DZIP1: variants seen among roughly 807,000 people sequenced by gnomAD.
DZIP1 encodes the protein cilium assembly protein DZIP1.
Under a neutral mutation model 107.6 loss-of-function variants are expected in DZIP1, and 97 were observed. The observed-to-expected ratio is 0.90, with a 90% CI of 0.77 to 1.07. The LOEUF (loss-of-function observed/expected upper bound fraction) is 1.07. DZIP1 is among the 50% of genes least tolerant of loss of function. The probability of loss-of-function intolerance (pLI) is 0.00; values close to 1 mark genes in which losing one functional copy is unlikely to be tolerated. For synonymous variants in DZIP1, 390 were observed against 386.4 expected (o/e 1.01, Z -0.11); for missense variants, 1,035 against 1,063.6 (o/e 0.97, Z 0.37).
rs564296670 is a variant in DZIP1 at position 95,634,533 on chromosome 13, A to G, written c.598-1212T>C. Among the ~76,000 whole-genome samples the G allele has an allele frequency of 2.0e-5, 3 of 152,284 alleles. No homozygotes were observed. The East Asian group carries it at 5.8e-4, about 29-fold the overall frequency. Reference sequence around the variant, plus strand: ...TTGGAAGTATAACCTATTAAAATAAATTTTCTGAGAAAAAAGAAGTCAATT... The same window carrying G: ...TTGGAAGTATAACCTATTAAAATAAGTTTTCTGAGAAAAAAGAAGTCAATT... On this transcript the variant is annotated intron_variant, in intron 5 of 22. Coordinates refer to ENST00000376829, the MANE Select transcript of DZIP1 (RefSeq NM_198968.4).
intron 13 of DZIP1, among the ~76,000 whole-genome samples, chr13:95,606,651 C>CAT (rs2044788430): frequency 1.3e-5 from 2 of 152,278 alleles, no homozygotes; most frequent in Non-Finnish European, 2.9e-5. Context: ...AGGTGATGGA[C>CAT]ATATAAGTTG....
chr13:95,599,357 T>G lies in DZIP1; in HGVS notation c.1537+8A>C. 6.2e-7 allele frequency: 1 copy of G among 1,612,758 alleles called. No individual in the cohort carries two copies. Among genetic ancestry groups the G allele is most frequent in the Non-Finnish European group, 8.5e-7 (1 of 1,178,850 alleles). Reference sequence around the variant, plus strand: ...TGTGCAGGTAAACCTGATCAAGCCCTTTGTTACCTTTTTCTTCCTCTGAAA... The same window carrying G: ...TGTGCAGGTAAACCTGATCAAGCCCGTTGTTACCTTTTTCTTCCTCTGAAA... On this transcript the variant is annotated splice_region_variant and intron_variant, in intron 15 of 22. Coordinates refer to ENST00000376829, the MANE Select transcript of DZIP1 (RefSeq NM_198968.4).
chr13:95,605,820 A>G (rs1396273502), intron 14 of DZIP1, among the ~76,000 whole-genome samples, 183 bp downstream of exon 14: 2 of 152,202 alleles, frequency 1.3e-5, no homozygotes. Flanking sequence ...AGACTTTGGG[A>G]GGTATGTCCA....
intron 15 of DZIP1, among the ~76,000 whole-genome samples, chr13:95,598,082 C>T (rs1272787577): frequency 6.6e-6 from 1 of 152,080 alleles, no homozygotes; most frequent in Non-Finnish European, 1.5e-5. Flanking sequence ...ATCAGAGTAC[C>T]CCAAAATTTC....
At chr13:95,601,346 C>T (rs1472356022) in intron 14 of DZIP1, among the ~76,000 whole-genome samples, 1 of 152,152 alleles carries the variant, frequency 6.6e-6, no homozygotes, top group Non-Finnish European at 1.5e-5. Context: ...TCAAACGTCC[C>T]AGATCCTGTC....
At chr13:95,614,981 A>C (rs1243022032) in intron 10 of DZIP1, among the ~76,000 whole-genome samples, 2 of 152,326 alleles carry the variant, frequency 1.3e-5, no homozygotes, top group Admixed American at 6.5e-5. Flanking sequence ...TCTCAGGCAG[A>C]GATTACTAAA....
chr13:95,583,977 A>G (rs145574655), intron 22 of DZIP1, among the ~76,000 whole-genome samples: 65 of 151,984 alleles, frequency 4.3e-4, no homozygotes, highest in African/African-American at 1.5e-3. Context: ...TAAAAAAATA[A>G]TAATAATAAA....
At chr13:95,585,026 A>C (rs752893847) in intron 21 of DZIP1, 116 bp from the exon 22 acceptor site, 6 of 700,736 alleles carry the variant, frequency 8.6e-6, no homozygotes, top group Non-Finnish European at 1.3e-5. Context: ...GAAGTGGGGA[A>C]CTATTAATAC....
intron 15 of DZIP1, among the ~76,000 whole-genome samples, chr13:95,597,914 G>A (rs931933119): frequency 3.9e-5 from 6 of 152,148 alleles, no homozygotes; most frequent in South Asian, 2.1e-4. Context: ...CTGTGGAATC[G>A]ATTCAGCCTG....
intron 14 of DZIP1, among the ~76,000 whole-genome samples, chr13:95,602,338 C>T (rs138971555): frequency 2.6e-4 from 39 of 152,298 alleles, no homozygotes; most frequent in Admixed American, 3.3e-4. Context: ...ATGTCAGCTA[C>T]GCCAGGAAGT....
At chr13:95,640,389 T>A (rs1180224627) in intron 5 of DZIP1, among the ~76,000 whole-genome samples, 1 of 152,142 alleles carries the variant, frequency 6.6e-6, no homozygotes, top group African/African-American at 2.4e-5. Flanking sequence ...TGCACCCAGT[T>A]CTCTCCAGCA....
chr13:95,590,414 A>G lies in DZIP1; in HGVS notation c.1708T>C (p.Leu570=), dbSNP rs776023537. 6 of 1,610,012 alleles carry G rather than the reference A, an allele frequency of 3.7e-6. No homozygotes were observed. In the Admixed American group the frequency reaches 1.0e-4, roughly 27 times the overall value. Residue 570 remains leucine (L), a synonymous_variant, in exon 17 of 23, where the codon TTG becomes CTG. Transcript: ENST00000376829. ...TCCACACTTTTTAGTACTCTATGCA[A>G]CTGATCACTTGAAATGCCACGTATA... ...ADIRGISSDQ[L]HRVLKSVESE...
intron 1 of DZIP1, among the ~76,000 whole-genome samples, chr13:95,644,163 GC>G (rs1878847201): frequency 6.6e-6 from 1 of 152,232 alleles, no homozygotes; most frequent in African/African-American, 2.4e-5. Flanking sequence ...AGCCGAACCA[GC>G]AGACAAAAGC....
chr13:95,586,896 A>G (rs2044174569), intron 20 of DZIP1, among the ~76,000 whole-genome samples: 1 of 152,172 alleles, frequency 6.6e-6, no homozygotes, highest in Admixed American at 6.5e-5. Flanking sequence ...GTATTACTCC[A>G]GCTCCAAGAG....
chr13:95,603,492 C>T lies in DZIP1; in HGVS notation c.1477+2511G>A, dbSNP rs558043949. 2.6e-5 allele frequency among the ~76,000 whole-genome samples: 4 copies of T among 152,130 alleles called. No homozygotes were observed. In the South Asian group the frequency reaches 8.3e-4, roughly 32 times the overall value. ...GACTTTGGGAAAAGCGGTTATTTTG[C>T]ATCCTCACTGCACTCGTCGCTCTAA... On this transcript the variant is annotated intron_variant, in intron 14 of 22. Transcript: ENST00000376829.
At chr13:95,615,873 T>A (rs542059318) in intron 10 of DZIP1, among the ~76,000 whole-genome samples, 5 of 152,324 alleles carry the variant, frequency 3.3e-5, no homozygotes, top group African/African-American at 9.6e-5. Context: ...CACAGAACTC[T>A]TAGAAGGCTT....
At chr13:95,617,059 T>G (rs1005259107) in intron 10 of DZIP1, among the ~76,000 whole-genome samples, 2 of 151,714 alleles carry the variant, frequency 1.3e-5, no homozygotes, top group Non-Finnish European at 2.9e-5. Context: ...AATACAAAAA[T>G]TAGCTCAGCA....
intron 17 of DZIP1, 147 bp from the exon 18 acceptor site, chr13:95,590,079 T>C (rs2044271857): frequency 8.0e-7 from 1 of 1,247,180 alleles, no homozygotes; most frequent in Non-Finnish European, 1.1e-6. Flanking sequence ...GGGTTGTTGT[T>C]TTGTTTTTAC....
intron 14 of DZIP1, among the ~76,000 whole-genome samples, chr13:95,601,961 G>C (rs2044628822): frequency 6.6e-6 from 1 of 152,080 alleles, no homozygotes; most frequent in South Asian, 2.1e-4. Context: ...CTCAAGTGTA[G>C]GATCACCCAC....
Sources: allele counts gnomAD v4.1 joint callset (sites outside exome capture counted in the v4.1 genomes callset), GRCh38; gene constraint gnomAD v4.1.1; transcripts MANE v1.5; gene names NCBI Gene and HGNC (gene_info 2026-07-23, HGNC 2026-07-21).